CSMD3: variants seen among roughly 807,000 people sequenced by gnomAD.
The protein encoded by CSMD3 is CUB and Sushi multiple domains 3, also known as CUB and sushi domain-containing protein 3.
Under a neutral mutation model 435.2 loss-of-function variants are expected in CSMD3, and 177 were observed. That is an observed-to-expected ratio of 0.41 (90% CI 0.36 to 0.46). The LOEUF is 0.46. Among genes scored for constraint, CSMD3 ranks in the 20% least tolerant of loss-of-function variants. The pLI, the probability that CSMD3 is intolerant of heterozygous loss-of-function variation, is 0.34. For missense variants in CSMD3, 4,265 were observed against 4,504.6 expected (o/e 0.95, Z 1.52); for synonymous variants, 1,656 against 1,520.5 (o/e 1.09, Z -2.07).
intron 12 of CSMD3, among the ~76,000 whole-genome samples, chr8:112,827,011 T>C (rs1490950263): frequency 6.6e-6 from 1 of 151,586 alleles, no homozygotes; most frequent in Non-Finnish European, 1.5e-5. Flanking sequence ...GTGAAAAATA[T>C]GGTTCAAACA....
chr8:112,778,036 C>T (rs1345798207), intron 13 of CSMD3, among the ~76,000 whole-genome samples: 1 of 151,760 alleles, frequency 6.6e-6, no homozygotes, highest in Non-Finnish European at 1.5e-5. Flanking sequence ...GTAATGACTA[C>T]TTTTTTAAAA....
intron 3 of CSMD3, among the ~76,000 whole-genome samples, chr8:113,269,807 T>C (rs1200526021): frequency 3.3e-5 from 5 of 151,982 alleles, no homozygotes; most frequent in Non-Finnish European, 5.9e-5. Flanking sequence ...TATACAAAAA[T>C]TAATTCAATA....
chr8:112,932,355 C>G (rs888727548), intron 9 of CSMD3, among the ~76,000 whole-genome samples: 5 of 152,214 alleles, frequency 3.3e-5, no homozygotes, highest in African/African-American at 1.2e-4. Flanking sequence ...CAAAATATCA[C>G]AAATTTTTAT....
intron 13 of CSMD3, among the ~76,000 whole-genome samples, chr8:112,696,318 C>T (rs547297790): frequency 6.6e-5 from 10 of 152,222 alleles, no homozygotes; most frequent in African/African-American, 2.4e-4. Context: ...TACCTGACTT[C>T]AAACTATACT....
intron 5 of CSMD3, among the ~76,000 whole-genome samples, chr8:113,065,764 G>C (rs1342378231): frequency 6.6e-6 from 1 of 152,242 alleles, no homozygotes; most frequent in Non-Finnish European, 1.5e-5. Flanking sequence ...TATGATGTCA[G>C]TGAAGGTTAT....
chr8:112,521,763 C>T (rs1824308166), intron 27 of CSMD3, among the ~76,000 whole-genome samples: 1 of 151,840 alleles, frequency 6.6e-6, no homozygotes, highest in Non-Finnish European at 1.5e-5. Context: ...GGTTCCTTAA[C>T]TTACTATGTC....
chr8:112,508,166 G>T (rs1272532859), intron 28 of CSMD3, among the ~76,000 whole-genome samples: 1 of 151,800 alleles, frequency 6.6e-6, no homozygotes, highest in Non-Finnish European at 1.5e-5. Flanking sequence ...ACTTTTCCTG[G>T]CTTTCTCCAC....
At chr8:113,185,138 C>T (rs1044578721) in intron 3 of CSMD3, among the ~76,000 whole-genome samples, 2 of 151,980 alleles carry the variant, frequency 1.3e-5, no homozygotes, top group African/African-American at 4.8e-5. Context: ...TCACTGTTAA[C>T]TCAAATTTTG....
intron 4 of CSMD3, among the ~76,000 whole-genome samples, chr8:113,161,460 T>C (rs2092037554): frequency 6.6e-6 from 1 of 152,116 alleles, no homozygotes; most frequent in Non-Finnish European, 1.5e-5. Flanking sequence ...CATTTTTGTG[T>C]TATGCTTAAA....
intron 22 of CSMD3, among the ~76,000 whole-genome samples, chr8:112,600,958 C>G (rs888496836): frequency 6.6e-6 from 1 of 151,938 alleles, no homozygotes; most frequent in Non-Finnish European, 1.5e-5. Context: ...CGTGAGCCAC[C>G]GCGCCCGGTC....
chr8:112,712,667 C>G (rs186422066), intron 13 of CSMD3, among the ~76,000 whole-genome samples: 17 of 152,078 alleles, frequency 1.1e-4, no homozygotes, highest in Non-Finnish European at 2.2e-4. Flanking sequence ...GACATTTGTG[C>G]CTTGTAGTCT....
chr8:112,234,902 C>T (rs575692213), intron 67 of CSMD3, among the ~76,000 whole-genome samples: 38 of 152,204 alleles, frequency 2.5e-4, no homozygotes, highest in African/African-American at 8.7e-4. Context: ...CTAGGTGCTG[C>T]TTGAGCCACA....
intron 8 of CSMD3, among the ~76,000 whole-genome samples, chr8:112,951,241 T>C (rs375918555): frequency 1.3e-5 from 2 of 151,988 alleles, no homozygotes; most frequent in East Asian, 3.9e-4. Context: ...ACAGTGCCAT[T>C]GATGCAATTG....
At chr8:112,999,263 C>A (rs760946552) in intron 6 of CSMD3, among the ~76,000 whole-genome samples, 4 of 151,660 alleles carry the variant, frequency 2.6e-5, no homozygotes, top group Non-Finnish European at 5.9e-5. Context: ...TAGAGTAGTT[C>A]GGAAGACCTT....
chr8:113,312,755 C>T (rs1369783009), intron 2 of CSMD3: 1 of 152,022 alleles, frequency 6.6e-6, no homozygotes, highest in African/African-American at 2.4e-5. Flanking sequence ...TTTGCATTAA[C>T]AAAAGACACC....
intron 3 of CSMD3, among the ~76,000 whole-genome samples, chr8:113,255,064 C>A (rs1383908576): frequency 4.6e-5 from 7 of 152,092 alleles, no homozygotes; most frequent in Non-Finnish European, 1.0e-4. Context: ...TTTCTTATTT[C>A]TCAATTCACA....
At chr8:112,356,299 ATG>A (rs1473393008) in intron 38 of CSMD3, among the ~76,000 whole-genome samples, 28 of 152,292 alleles carry the variant, frequency 1.8e-4, no homozygotes, top group Non-Finnish European at 4.1e-4. Context: ...ATTAAATAAT[ATG>A]CAGCCATTAA....
chr8:112,259,539 T>C (rs1816182737), intron 61 of CSMD3, among the ~76,000 whole-genome samples: 1 of 152,016 alleles, frequency 6.6e-6, no homozygotes, highest in Admixed American at 6.6e-5. Context: ...TGTATACCTA[T>C]GTAACAAAAC....
chr8:113,423,761 A>T (rs1183543251), intron 1 of CSMD3, among the ~76,000 whole-genome samples: 1 of 151,862 alleles, frequency 6.6e-6, no homozygotes, highest in Non-Finnish European at 1.5e-5. Context: ...TTGAAAATTC[A>T]CCCTGAAACA....
Sources: gnomAD v4.1 joint callset for allele counts (sites outside exome capture counted in the v4.1 genomes callset) on GRCh38, gnomAD v4.1.1 for gene constraint, MANE v1.5 for transcripts, NCBI Gene and HGNC (gene_info 2026-07-23, HGNC 2026-07-21) for gene names.